Variants in TMCO5A observed in about 807,000 individuals in gnomAD.
The protein encoded by TMCO5A is transmembrane and coiled-coil domains 5A.
A neutral mutation model predicts 42.3 loss-of-function variants in TMCO5A; 34 were observed. That is an observed-to-expected ratio of 0.80 (90% CI 0.61 to 1.07). TMCO5A has a LOEUF of 1.07. Ranked by LOEUF, TMCO5A falls within the 50% of genes least tolerant of loss-of-function variation. The pLI is 0.00. For missense variants in TMCO5A, 357 were observed against 327.9 expected, an observed-to-expected ratio of 1.09 and a Z score of -0.69; for synonymous variants, 131 against 115.6, an observed-to-expected ratio of 1.13 and a Z score of -0.86.
At chr15:38,017,509 C>T in the TMCO5A span, among the ~76,000 whole-genome samples, 2 of 151,850 alleles carry the variant, frequency 1.3e-5, no homozygotes, top group South Asian at 2.1e-4. Flanking sequence ...AAATTTAGAT[C>T]GGTATAATGG....
intron 11 of TMCO5A, among the ~76,000 whole-genome samples, chr15:37,963,857 T>C (rs1890491041): frequency 6.6e-6 from 1 of 152,220 alleles, no homozygotes; most frequent in South Asian, 2.1e-4. Context: ...TTTTGTCTGA[T>C]ATAAGAATAG....
At chr15:38,000,668 T>C in the TMCO5A span, among the ~76,000 whole-genome samples, 1 of 152,102 alleles carries the variant, frequency 6.6e-6, no homozygotes, top group African/African-American at 2.4e-5. Context: ...TTCCTCTTAG[T>C]ACTGCTTTTG....
intron 11 of TMCO5A, among the ~76,000 whole-genome samples, chr15:37,950,646 C>T (rs1424048680): frequency 6.6e-6 from 1 of 152,044 alleles, no homozygotes; most frequent in Non-Finnish European, 1.5e-5. Context: ...ATTTGATTAG[C>T]AAAAGTGTTT....
chr15:38,028,547 G>A, the TMCO5A span, among the ~76,000 whole-genome samples: 7 of 152,132 alleles, frequency 4.6e-5, no homozygotes, highest in Admixed American at 3.3e-4. Flanking sequence ...GTGCCAACTC[G>A]CTTTTTTGCT....
chr15:37,962,103 CCTT>C (rs1294528196), intron 11 of TMCO5A, among the ~76,000 whole-genome samples: 3 of 151,996 alleles, frequency 2.0e-5, no homozygotes, highest in East Asian at 1.9e-4. Flanking sequence ...GAGTGGGCAT[CCTT>C]CTCTTATTCC....
the TMCO5A span, among the ~76,000 whole-genome samples, chr15:38,037,076 T>C: frequency 1.3e-5 from 2 of 152,134 alleles, no homozygotes; most frequent in Admixed American, 6.6e-5. Context: ...GAGAAGTAAA[T>C]TAGACTGAAA....
At chr15:38,010,408 A>AAAG in the TMCO5A span, among the ~76,000 whole-genome samples, 2 of 106,168 alleles carry the variant, frequency 1.9e-5, no homozygotes, top group Admixed American at 9.4e-5. Context: ...AAAAAAAAAG[A>AAAG]GGGAGGCAGA....
chr15:37,950,280 T>C (rs1890114286), intron 11 of TMCO5A, among the ~76,000 whole-genome samples: 1 of 147,584 alleles, frequency 6.8e-6, no homozygotes, highest in Non-Finnish European at 1.5e-5. Context: ...TATAAGTATA[T>C]TTCAGGTCTT....
the TMCO5A span, chr15:37,993,274 T>C: frequency 1.3e-5 from 2 of 152,142 alleles, no homozygotes; most frequent in Non-Finnish European, 2.9e-5. Context: ...GTTTTTAATA[T>C]GCTTGGTGAT....
Position 37,936,414 on chromosome 15 carries a change from A to T in TMCO5A, c.91A>T (p.Asn31Tyr). 2 of 1,613,198 alleles carry T rather than the reference A, an allele frequency of 1.2e-6. No homozygotes were observed. Among genetic ancestry groups the T allele is most frequent in the South Asian group, 2.2e-5 (2 of 91,054 alleles). The change falls in exon 3 of 12, where the codon AAT (asparagine) becomes TAT (tyrosine). Residue 31 changes from asparagine to tyrosine, a missense_variant. Physicochemically the swap from Asn to Tyr is moderately radical, Grantham distance 143. Transcript: ENST00000319669. ...GGATACGCAGAGAATAGATGAAGCAAATCAGAAACTTCTTCTCAAAATCCA... is the reference window on the plus strand; with the variant it reads ...GGATACGCAGAGAATAGATGAAGCATATCAGAAACTTCTTCTCAAAATCCA... ...ERDTQRIDEANQKLLLKIQER... is the reference protein window; with the variant it reads ...ERDTQRIDEAYQKLLLKIQER...
At chr15:37,987,409 G>T in the TMCO5A span, among the ~76,000 whole-genome samples, 3 of 151,748 alleles carry the variant, frequency 2.0e-5, no homozygotes, top group Non-Finnish European at 4.4e-5. Context: ...TCAATTTGTT[G>T]TTGTTTTTGT....
intron 10 of TMCO5A, among the ~76,000 whole-genome samples, chr15:37,945,519 G>A (rs150046790): frequency 0.016 from 2,498 of 152,090 alleles, 79 homozygotes; most frequent in African/African-American, 0.057. Context: ...CTTTTTCTCT[G>A]CAACCTCACC....
chr15:38,015,056 C>T, the TMCO5A span, among the ~76,000 whole-genome samples: 1 of 151,296 alleles, frequency 6.6e-6, no homozygotes. Context: ...ATGTAGACTG[C>T]GAGGCTAGGC....
In TMCO5A at chr15:37,942,243, T is replaced by A. The variant is rs1889773723; in HGVS notation, c.557T>A (p.Leu186His). The change falls in exon 9 of 12, where the codon CTT becomes CAT. Residue 186 changes from leucine (L) to histidine (H), a missense_variant. Leu to His is a moderately conservative substitution (Grantham distance 99). Coordinates refer to ENST00000319669, the MANE Select transcript of TMCO5A (RefSeq NM_152453.4). ...KIEEELEALF[L>H]EREVSKLVSM... ...GAAGAAGAACTAGAGGCTCTGTTCCTTGAGAGAGAAGTGTGAGCTTTGGCA... is the reference window on the plus strand; with the variant it reads ...GAAGAAGAACTAGAGGCTCTGTTCCATGAGAGAGAAGTGTGAGCTTTGGCA... 6.2e-7 allele frequency: 1 copy of A among 1,612,862 alleles called. No homozygotes were observed. The highest frequency in any genetic ancestry group is 8.5e-7 in the Non-Finnish European group (1 of 1,179,186).
chr15:37,974,741 T>A, the TMCO5A span, among the ~76,000 whole-genome samples: 1 of 152,190 alleles, frequency 6.6e-6, no homozygotes, highest in Non-Finnish European at 1.5e-5. Flanking sequence ...CATCTCATTT[T>A]CCTTCAGTTT....
the TMCO5A span, among the ~76,000 whole-genome samples, chr15:37,989,318 C>A: frequency 6.6e-6 from 1 of 151,778 alleles, no homozygotes; most frequent in Non-Finnish European, 1.5e-5. Context: ...CTGCTCTAAT[C>A]TTTATTATTT....
At chr15:38,014,807 T>C in the TMCO5A span, among the ~76,000 whole-genome samples, 1 of 145,100 alleles carries the variant, frequency 6.9e-6, no homozygotes, top group Non-Finnish European at 1.5e-5. Context: ...AAAGACACTG[T>C]ATTAGTCAAG....
the TMCO5A span, among the ~76,000 whole-genome samples, chr15:38,034,328 G>A: frequency 6.6e-6 from 1 of 152,122 alleles, no homozygotes; most frequent in African/African-American, 2.4e-5. Context: ...ACAGGTAAGA[G>A]ATTGAGCACC....
At chr15:37,997,411 T>G in the TMCO5A span, among the ~76,000 whole-genome samples, 11 of 152,342 alleles carry the variant, frequency 7.2e-5, no homozygotes, top group African/African-American at 2.4e-4. Context: ...AAAAAGGTTT[T>G]TTCCCATAAG....
Sources: gnomAD v4.1 joint callset for allele counts (sites outside exome capture counted in the v4.1 genomes callset) on GRCh38, gnomAD v4.1.1 for gene constraint, MANE v1.5 for transcripts, NCBI Gene and HGNC (gene_info 2026-07-23, HGNC 2026-07-21) for gene names.